SUPT4H1: variants seen among roughly 807,000 people sequenced by gnomAD.
The protein encoded by SUPT4H1 is transcription elongation factor SPT4.
SUPT4H1 carries 12 observed loss-of-function variants against 19.4 expected under a neutral mutation model. The observed-to-expected ratio is 0.62, with a 90% confidence interval of 0.40 to 1.00. The LOEUF (loss-of-function observed/expected upper bound fraction) is 1.00. Ranked by LOEUF, SUPT4H1 falls within the 50% of genes least tolerant of loss-of-function variation. The probability of loss-of-function intolerance (pLI) is 0.00; values close to 1 mark genes in which losing one functional copy is unlikely to be tolerated. For synonymous variants in SUPT4H1, 58 were observed against 56.3 expected (o/e 1.03, Z -0.14); for missense variants, 115 against 149.2 (o/e 0.77, Z 1.19).
chr17:58,351,281 C>CA, intron 2 of SUPT4H1, 121 bp downstream of exon 2: 1 of 491,982 alleles, frequency 2.0e-6, no homozygotes, highest in Non-Finnish European at 3.4e-6. Context: ...AAAACCCACA[C>CA]AAAATAACCC....
chr17:58,348,324 G>A (rs932209223), intron 2 of SUPT4H1, among the ~76,000 whole-genome samples: 1 of 152,186 alleles, frequency 6.6e-6, no homozygotes, highest in Non-Finnish European at 1.5e-5. Context: ...GTGGGTGTAA[G>A]CACTGACATT....
intron 2 of SUPT4H1, 151 bp from the exon 3 acceptor site, chr17:58,347,735 A>G (rs1972344852): frequency 2.8e-6 from 2 of 713,308 alleles, no homozygotes; most frequent in Admixed American, 4.6e-5. Flanking sequence ...GCTGACTCAA[A>G]GCTAGGACTG....
chr17:58,346,231 C>T lies in SUPT4H1; in HGVS notation c.*15G>A. 6.2e-7 allele frequency: 1 copy of T among 1,609,792 alleles called. No homozygotes were observed. The highest frequency in any genetic ancestry group is 1.3e-5 in the African/African-American group (1 of 74,972). On this transcript the variant is annotated 3_prime_UTR_variant, in exon 5 of 5. Transcript: ENST00000225504. ...AGGAGGTGGAGAGCAAAGATGCTGG[C>T]AGCCTTGCATCTTGCTAGGTCTTTA...
At chr17:58,348,434 ATGCGCTGTTAAG>A (rs1972372679) in intron 2 of SUPT4H1, among the ~76,000 whole-genome samples, 1 of 152,098 alleles carries the variant, frequency 6.6e-6, no homozygotes, top group Admixed American at 6.5e-5. Context: ...ATTCTCAGCC[ATGCGCTGTTAAG>A]TGGAACCGAC....
rs746538474 is a variant in SUPT4H1, at chr17:58,347,583, T to C, written c.178A>G (p.Ile60Val). 10 of 1,614,130 alleles carry C rather than the reference T, an allele frequency of 6.2e-6. 1 individual carries two copies. The highest frequency in any genetic ancestry group is 7.6e-6 in the Non-Finnish European group (9 of 1,180,006). ...TCCTCTGGACTCATCATCGCAATGA[T>C]TCTAGGGAGGGAAAAGAAATGGAGA... ...YDCTSSSFDG[I>V]IAMMSPEDSW... The change falls in exon 3 of 5, where the codon ATC becomes GTC. Residue 60 changes from isoleucine to valine, a missense_variant and splice_region_variant. By Grantham distance (29) the Ile-to-Val change is conservative. Coordinates refer to ENST00000225504, the MANE Select transcript of SUPT4H1 (RefSeq NM_003168.3).
In SUPT4H1 at chr17:58,351,483, C is replaced by A; in HGVS notation, c.95G>T (p.Gly32Val). Residue 32 changes from glycine (G) to valine (V), a missense_variant, in exon 2 of 5, where the codon GGT becomes GTT. Coordinates refer to ENST00000225504, the MANE Select transcript of SUPT4H1 (RefSeq NM_003168.3). ...VKTIDQFEYDGCDNCDAYLQM... is the reference protein window; with the variant it reads ...VKTIDQFEYDVCDNCDAYLQM... ...TAGATATGCATCACAATTGTCACAACCATCATATTCAAACTGGTCTATAGT... is the reference window on the plus strand; with the variant it reads ...TAGATATGCATCACAATTGTCACAAACATCATATTCAAACTGGTCTATAGT... 6.2e-7 allele frequency: 1 copy of A among 1,613,600 alleles called. No homozygotes were observed. Among genetic ancestry groups the A allele is most frequent in the Non-Finnish European group, 8.5e-7 (1 of 1,179,660 alleles).
chr17:58,348,811 T>C (rs977586917), intron 2 of SUPT4H1, among the ~76,000 whole-genome samples: 1 of 152,214 alleles, frequency 6.6e-6, no homozygotes, highest in Admixed American at 6.5e-5. Context: ...CATCTAGCCC[T>C]CTTCCGATCT....
At chr17:58,351,827 G>T in intron 1 of SUPT4H1, 1 of 579,988 alleles carries the variant, frequency 1.7e-6, no homozygotes, top group Non-Finnish European at 3.1e-6. Flanking sequence ...TCCAACGTAA[G>T]TTCACCGAAC....
chr17:58,346,252 C>CT lies in SUPT4H1; in HGVS notation c.347dup (p.Thr117AspfsTer27). ...CTGGCAGCCTTGCATCTTGCTAGGT[C>CT]TTTATAGCTGTGTCTCTGGATTTGT... On this transcript the variant is annotated frameshift_variant, in exon 5 of 5. Transcript: ENST00000225504. LOFTEE classifies it high-confidence loss of function. 6.2e-7 allele frequency: 1 copy of CT among 1,613,938 alleles called. No homozygotes were observed. The highest frequency in any genetic ancestry group is 8.5e-7 in the Non-Finnish European group (1 of 1,179,856).
In SUPT4H1 at chr17:58,351,467, A is replaced by G; in HGVS notation, c.111T>C (p.Asp37=). ...QFEYDGCDNC[D]AYLQMKGNRE... is the part of the protein sequence containing the mutation. ...GGTTACCCTTCATTTGTAGATATGC[A>G]TCACAATTGTCACAACCATCATATT... The change falls in exon 2 of 5, where the codon GAT becomes GAC. Residue 37 remains aspartate (D), a synonymous_variant. Coordinates refer to ENST00000225504, the MANE Select transcript of SUPT4H1 (RefSeq NM_003168.3). 1 of 1,614,108 alleles carries G rather than the reference A, an allele frequency of 6.2e-7. No individual in the cohort carries two copies. The highest frequency in any genetic ancestry group is 8.5e-7 in the Non-Finnish European group (1 of 1,179,962).
chr17:58,351,786 C>G, intron 1 of SUPT4H1: 1 of 572,738 alleles, frequency 1.7e-6, no homozygotes. Flanking sequence ...AGCGGATCCC[C>G]ACCCGCCTCT....
At chr17:58,350,503 T>C (rs1419154158) in intron 2 of SUPT4H1, among the ~76,000 whole-genome samples, 5 of 103,628 alleles carry the variant, frequency 4.8e-5, no homozygotes, top group Non-Finnish European at 1.0e-4. Context: ...AGAGCGAGAC[T>C]CCATCTCAAA....
At chr17:58,349,617 C>T (rs902962179) in intron 2 of SUPT4H1, among the ~76,000 whole-genome samples, 1 of 152,048 alleles carries the variant, frequency 6.6e-6, no homozygotes, top group African/African-American at 2.4e-5. Context: ...TCACAAATAG[C>T]CAAAAGGGAG....
intron 2 of SUPT4H1, among the ~76,000 whole-genome samples, chr17:58,351,129 A>G (rs1482671126): frequency 1.3e-5 from 2 of 151,974 alleles, no homozygotes; most frequent in Middle Eastern, 3.4e-3. Context: ...GGCTGGACAC[A>G]GTGGCTTACA....
At position 58,351,513 on chromosome 17, in the gene SUPT4H1, G is replaced by A. The variant is rs201993962; in HGVS notation, c.70-5C>T. The A allele has an allele frequency of 3.1e-6, 5 of 1,593,218 alleles. No individual in the cohort carries two copies. In the African/African-American group the frequency reaches 4.0e-5, roughly 13 times the overall value. On this transcript the variant is annotated splice_polypyrimidine_tract_variant and splice_region_variant and intron_variant, in intron 1 of 4. Transcript: ENST00000225504. ...ATATTCAAACTGGTCTATAGTCTGG[G>A]AGTGAAAGAAAAATAAAGGAAAAGG... is the stretch of plus-strand genomic sequence containing the variant.
chr17:58,351,765 A>G (rs1289088025), intron 1 of SUPT4H1: 2 of 566,926 alleles, frequency 3.5e-6, no homozygotes, highest in Admixed American at 3.2e-5. Flanking sequence ...CTTTCCGACT[A>G]CTCACTCAGC....
intron 4 of SUPT4H1, 42 bp downstream of exon 4, chr17:58,347,146 G>C: frequency 6.3e-7 from 1 of 1,587,498 alleles, no homozygotes; most frequent in Non-Finnish European, 8.6e-7. Context: ...CTTCCACAGA[G>C]CTTTACAGTA....
intron 3 of SUPT4H1, 34 bp downstream of exon 3, chr17:58,347,495 C>G: frequency 1.9e-6 from 3 of 1,613,492 alleles, no homozygotes; most frequent in Admixed American, 3.3e-5. Context: ...AACAACACTA[C>G]AACTAAGCCA....
intron 2 of SUPT4H1, among the ~76,000 whole-genome samples, chr17:58,348,993 T>C (rs1972392013): frequency 6.6e-6 from 1 of 152,184 alleles, no homozygotes; most frequent in African/African-American, 2.4e-5. Flanking sequence ...AACATCACCA[T>C]TCATTGGGGG....
Sources: gnomAD v4.1 joint callset for allele counts (sites outside exome capture counted in the v4.1 genomes callset) on GRCh38, gnomAD v4.1.1 for gene constraint, MANE v1.5 for transcripts, NCBI Gene and HGNC (gene_info 2026-07-23, HGNC 2026-07-21) for gene names.